The following ETNK1 variants were observed in gnomAD, a reference collection of about 807,000 sequenced individuals.
ETNK1 encodes the protein ethanolamine kinase 1, also known as putative protein product of Nbla10396.
In ETNK1, 8 loss-of-function variants were observed where a neutral mutation model predicts 45.1. The ratio of observed to expected loss-of-function variants is 0.18; its 90% CI spans 0.10 to 0.32. The LOEUF is 0.32. Among genes scored for constraint, ETNK1 ranks in the 10% least tolerant of loss-of-function variants. ETNK1 has a pLI of 1.00. For synonymous variants in ETNK1, 152 were observed against 151.9 expected (o/e 1.00, Z -0.01); for missense variants, 302 against 430.6 (o/e 0.70, Z 2.64).
intron 1 of ETNK1, among the ~76,000 whole-genome samples, chr12:22,635,535 A>G (rs150002908): frequency 6.6e-6 from 1 of 152,262 alleles, no homozygotes; most frequent in Non-Finnish European, 1.5e-5. Context: ...TAAGACTTCT[A>G]CTCCTGATAT....
chr12:22,650,169 T>C (rs1312720180), intron 2 of ETNK1, among the ~76,000 whole-genome samples: 1 of 152,040 alleles, frequency 6.6e-6, no homozygotes, highest in African/African-American at 2.4e-5. Context: ...CTATAATTGC[T>C]CATTCCGCGA....
chr12:22,656,477 A>G, intron 2 of ETNK1: 1 of 985,388 alleles, frequency 1.0e-6, no homozygotes, highest in South Asian at 4.7e-5. Flanking sequence ...CTGTTTGGAA[A>G]ACATTTCCAA....
At chr12:22,658,033 T>C (rs1953961563) in intron 2 of ETNK1, among the ~76,000 whole-genome samples, 1 of 152,234 alleles carries the variant, frequency 6.6e-6, no homozygotes, top group Non-Finnish European at 1.5e-5. Flanking sequence ...AATATCTCAG[T>C]GTCCTGGCTG....
chr12:22,665,138 G>T (rs1263124881), intron 4 of ETNK1, among the ~76,000 whole-genome samples: 1 of 152,068 alleles, frequency 6.6e-6, no homozygotes, highest in Admixed American at 6.5e-5. Flanking sequence ...TTCGAGTTTA[G>T]ATCCCTACCC....
At chr12:22,671,227 C>T (rs1954103936) in intron 4 of ETNK1, 45 bp from the exon 5 acceptor site, 1 of 1,309,736 alleles carries the variant, frequency 7.6e-7, no homozygotes, top group East Asian at 2.3e-5. Flanking sequence ...ATTTTCTGAT[C>T]TTATATGTGA....
intron 1 of ETNK1, among the ~76,000 whole-genome samples, chr12:22,634,222 C>G (rs144441236): frequency 3.4e-4 from 52 of 151,874 alleles, no homozygotes; most frequent in African/African-American, 1.2e-3. Flanking sequence ...TAATTTTTCT[C>G]TTATTGAGGT....
At chr12:22,629,156 G>A (rs1169076342) in intron 1 of ETNK1, among the ~76,000 whole-genome samples, 2 of 152,026 alleles carry the variant, frequency 1.3e-5, no homozygotes, top group Non-Finnish European at 2.9e-5. Context: ...CTATATATTG[G>A]ATACTTGAAT....
chr12:22,643,856 A>ACTG lies in ETNK1; in HGVS notation c.251_253dup (p.Thr84_Glu85insAla), dbSNP rs1369888240. 6.2e-7 allele frequency: 1 copy of ACTG among 1,613,398 alleles called. No homozygotes were observed. The highest frequency in any genetic ancestry group is 1.3e-5 in the African/African-American group (1 of 74,878). On this transcript the variant is annotated inframe_insertion, in exon 2 of 8. Coordinates refer to ENST00000266517, the MANE Select transcript of ETNK1 (RefSeq NM_018638.5). ...CCTGGTGAGAATTTATGGCAATAAG[A>ACTG]CTGAGTTATTAGTCGATCGAGATGA...
chr12:22,637,727 C>T (rs1193282057), intron 1 of ETNK1, among the ~76,000 whole-genome samples: 2 of 151,950 alleles, frequency 1.3e-5, no homozygotes, highest in Non-Finnish European at 2.9e-5. Flanking sequence ...ACAAACTATC[C>T]AGGAAAGGAA....
chr12:22,677,828 G>A (rs10770913), intron 6 of ETNK1, among the ~76,000 whole-genome samples: 46,990 of 151,950 alleles, frequency 0.31, 8,264 homozygotes, highest in Non-Finnish European at 0.41. Flanking sequence ...ATTGGTGTAT[G>A]GGAATGCTTG....
At chr12:22,659,790 T>C (rs922530801) in intron 3 of ETNK1, among the ~76,000 whole-genome samples, 6 of 152,138 alleles carry the variant, frequency 3.9e-5, no homozygotes, top group African/African-American at 1.4e-4. Flanking sequence ...GTTATATTTT[T>C]TCCCTAGGCT....
In ETNK1 at chr12:22,685,261, A is replaced by T; in HGVS notation, c.*307A>T. 4.9e-6 allele frequency: 1 copy of T among 205,110 alleles called. No homozygotes were observed. Among genetic ancestry groups the T allele is most frequent in the Non-Finnish European group, 9.8e-6 (1 of 102,390 alleles). The allele number at this position is 205,110 out of a possible 1,614,324, so 12.7% of individuals were successfully genotyped here. ...GTGAATTATTTATTATAAACTTAGC[A>T]CGATTCTGTGACTGTTTTTCTCTGT... On this transcript the variant is annotated 3_prime_UTR_variant, in exon 8 of 8. Coordinates refer to ENST00000266517, the MANE Select transcript of ETNK1 (RefSeq NM_018638.5).
chr12:22,642,092 T>C (rs1953747574), intron 1 of ETNK1, among the ~76,000 whole-genome samples: 1 of 152,250 alleles, frequency 6.6e-6, no homozygotes, highest in South Asian at 2.1e-4. Flanking sequence ...AGTGTTTAAG[T>C]ATTAAGTACC....
rs202067583 is a variant in ETNK1 at position 22,668,492 on chromosome 12, GT to G, written c.701-2777del. 3.3e-3 allele frequency among the ~76,000 whole-genome samples: 499 copies of G among 152,208 alleles called. 10 individuals carry two copies. Among genetic ancestry groups the G allele is most frequent in the Admixed American group, 0.031 (467 of 15,284 alleles). On this transcript the variant is annotated intron_variant, in intron 4 of 7. Transcript: ENST00000266517. The stretch of plus-strand genomic sequence containing the variant: ...GTTGAGTTCCACTTTGTTTGCAATA[GT>G]TTGAAAAAGAATAGTTAATGCAGAT...
intron 1 of ETNK1, among the ~76,000 whole-genome samples, chr12:22,641,074 C>T (rs182350540): frequency 1.0e-3 from 159 of 152,158 alleles, no homozygotes; most frequent in Non-Finnish European, 6.3e-4. Context: ...GAAGTATTAC[C>T]TGTACATCTT....
At chr12:22,655,814 T>C (rs1953933778) in intron 2 of ETNK1, among the ~76,000 whole-genome samples, 1 of 152,238 alleles carries the variant, frequency 6.6e-6, no homozygotes, top group South Asian at 2.1e-4. Flanking sequence ...ATATTTTGAT[T>C]CCTTGTAAGG....
intron 2 of ETNK1, among the ~76,000 whole-genome samples, chr12:22,649,746 T>G (rs1953851478): frequency 6.6e-6 from 1 of 152,126 alleles, no homozygotes; most frequent in African/African-American, 2.4e-5. Context: ...AAAATGGACT[T>G]TTTAAGAATT....
intron 1 of ETNK1, among the ~76,000 whole-genome samples, chr12:22,643,145 A>G (rs1953760321): frequency 6.6e-6 from 1 of 152,180 alleles, no homozygotes; most frequent in Admixed American, 6.6e-5. Flanking sequence ...TGTATAACAC[A>G]ATGTTTAATG....
At chr12:22,627,344 C>A (rs1044056822) in intron 1 of ETNK1, among the ~76,000 whole-genome samples, 18 of 152,002 alleles carry the variant, frequency 1.2e-4, no homozygotes, top group African/African-American at 4.1e-4. Flanking sequence ...ACCTAAAGAC[C>A]TTTGGGTTTA....
Sources: allele counts gnomAD v4.1 joint callset (sites outside exome capture counted in the v4.1 genomes callset), GRCh38; gene constraint gnomAD v4.1.1; transcripts MANE v1.5; gene names NCBI Gene and HGNC (gene_info 2026-07-23, HGNC 2026-07-21).